Variants in UGGT2 observed in about 807,000 individuals in gnomAD.
The protein encoded by UGGT2 is UDP-glucose:glycoprotein glucosyltransferase 2.
Under a neutral mutation model 192.1 loss-of-function variants are expected in UGGT2, and 180 were observed. The ratio of observed to expected loss-of-function variants is 0.94; its 90% CI spans 0.83 to 1.06. The LOEUF (loss-of-function observed/expected upper bound fraction) is 1.06, where lower values mean the gene tolerates loss of function less well. Among genes scored for constraint, UGGT2 ranks in the 50% least tolerant of loss-of-function variants. UGGT2 has a pLI of 0.00. For synonymous variants in UGGT2, 580 were observed against 591.0 expected, an observed-to-expected ratio of 0.98 and a Z score of 0.27; for missense variants, 1,849 against 1,795.7, an observed-to-expected ratio of 1.03 and a Z score of -0.54.
chr13:95,879,211 C>A (rs920489945), intron 27 of UGGT2, among the ~76,000 whole-genome samples: 2 of 152,096 alleles, frequency 1.3e-5, no homozygotes, highest in African/African-American at 4.8e-5. Flanking sequence ...AATACACTTA[C>A]CCAGTTTGTG....
At chr13:95,872,039 T>A (rs1178576818) in intron 29 of UGGT2, among the ~76,000 whole-genome samples, 1 of 152,130 alleles carries the variant, frequency 6.6e-6, no homozygotes. Context: ...AAGTGTTACT[T>A]TGGCAGAAAA....
intron 33 of UGGT2, 135 bp downstream of exon 33, chr13:95,859,456 A>G (rs1889942229): frequency 4.4e-6 from 3 of 675,410 alleles, no homozygotes; most frequent in Admixed American, 6.7e-5. Context: ...ATTTTTCTTA[A>G]GCTACATAAA....
intron 12 of UGGT2, among the ~76,000 whole-genome samples, chr13:95,959,558 C>A (rs1045708798): frequency 6.6e-6 from 1 of 152,176 alleles, no homozygotes; most frequent in African/African-American, 2.4e-5. Context: ...CAATCCATTA[C>A]CATTGGCATC....
intron 10 of UGGT2, among the ~76,000 whole-genome samples, chr13:95,977,053 G>A (rs139560682): frequency 6.6e-6 from 1 of 152,252 alleles, no homozygotes; most frequent in African/African-American, 2.4e-5. Flanking sequence ...ACTAACTCAA[G>A]ATAGATTAAA....
chr13:96,053,340 C>T lies in UGGT2; in HGVS notation c.-28G>A. On this transcript the variant is annotated 5_prime_UTR_variant, in exon 1 of 39. Coordinates refer to ENST00000376747, the MANE Select transcript of UGGT2 (RefSeq NM_020121.4). ...CACGGAGAGAAAAGCGCGAGTCCCT[C>T]GGACCCGGTACCCACAGTCTGTGGC... is the stretch of plus-strand genomic sequence containing the variant. 9 of 1,574,280 alleles carry T rather than the reference C, an allele frequency of 5.7e-6. No homozygotes were observed. Among genetic ancestry groups the T allele is most frequent in the Non-Finnish European group, 7.7e-6 (9 of 1,170,050 alleles).
chr13:95,837,175 C>A lies in UGGT2; in HGVS notation c.4312G>T (p.Val1438Phe). ...TCTTGAGGAAGAGACTTAATGGCGA[C>A]TTGGTAAATCATATTATTGGGGAGA... ...QDLPNNMIYQ[V>F]AIKSLPQDWL... Residue 1438 changes from valine (V) to phenylalanine (F), a missense_variant, in exon 37 of 39, where the codon GTC becomes TTC. Transcript: ENST00000376747. 1.2e-6 allele frequency: 2 copies of A among 1,613,780 alleles called. No homozygotes were observed. The highest frequency in any genetic ancestry group is 1.7e-6 in the Non-Finnish European group (2 of 1,179,782).
chr13:95,867,921 C>G (rs1364824786), intron 29 of UGGT2, among the ~76,000 whole-genome samples: 2 of 152,170 alleles, frequency 1.3e-5, no homozygotes, highest in African/African-American at 4.8e-5. Context: ...TGATGTCCAT[C>G]TGCATCACCT....
intron 4 of UGGT2, among the ~76,000 whole-genome samples, chr13:96,016,335 C>T (rs2052337092): frequency 6.6e-6 from 1 of 152,138 alleles, no homozygotes; most frequent in African/African-American, 2.4e-5. Flanking sequence ...ACAGCCAAGA[C>T]AATGAAGAAA....
intron 22 of UGGT2, among the ~76,000 whole-genome samples, chr13:95,896,612 G>A (rs561026775): frequency 1.3e-5 from 2 of 152,098 alleles, no homozygotes; most frequent in African/African-American, 4.8e-5. Flanking sequence ...TGTTTTAAGG[G>A]GTTAACTACA....
rs140166172 is a variant in UGGT2 at position 95,959,519 on chromosome 13, C to T, written c.1336-10065G>A. On this transcript the variant is annotated intron_variant, in intron 12 of 38. Transcript: ENST00000376747. Reference sequence around the variant, plus strand: ...CTATCACCCCCAGTACCTAAGCATGCTGTCCAGGGACGTGGGGATCACCCA... The same window carrying T: ...CTATCACCCCCAGTACCTAAGCATGTTGTCCAGGGACGTGGGGATCACCCA... 1.8e-3 allele frequency among the ~76,000 whole-genome samples: 281 copies of T among 152,270 alleles called. 2 individuals carry two copies. The highest frequency in any genetic ancestry group is 1.3e-3 in the Non-Finnish European group (91 of 68,020).
chr13:95,839,710 A>G (rs2139934709), intron 36 of UGGT2, among the ~76,000 whole-genome samples: 1 of 152,276 alleles, frequency 6.6e-6, no homozygotes, highest in South Asian at 2.1e-4. Context: ...ATGACCTGTC[A>G]AACTGTTTTT....
In UGGT2 at chr13:95,884,084, A is replaced by AAAAAAAAAAC. The variant is rs760204523; in HGVS notation, c.3228+406_3228+407insGTTTTTTTTT. 4.5e-5 allele frequency among the ~76,000 whole-genome samples: 6 copies of AAAAAAAAAAC among 132,010 alleles called. 2 individuals carry two copies. The East Asian group carries it at 1.3e-3, about 29-fold the overall frequency. 86.6% of individuals were successfully genotyped at this position (132,010 alleles called of 152,430 possible). A position where few individuals can be genotyped will look rare whatever the true frequency, so the allele number is the denominator to read the frequency against. On this transcript the variant is annotated intron_variant, in intron 27 of 38. Coordinates refer to ENST00000376747, the MANE Select transcript of UGGT2 (RefSeq NM_020121.4). ...TGAGGCCAAAAAAAAAAAAAAAAAA[A>AAAAAAAAAAC]AACCAACAACAACAAAACAATTTTG...
chr13:95,948,656 TTAC>T (rs2049959634), intron 13 of UGGT2, among the ~76,000 whole-genome samples: 1 of 152,204 alleles, frequency 6.6e-6, no homozygotes, highest in Admixed American at 6.5e-5. Flanking sequence ...TTCCCTAAAA[TTAC>T]TACACTTTAA....
chr13:95,882,494 G>C (rs2047522983), intron 27 of UGGT2, among the ~76,000 whole-genome samples: 1 of 152,138 alleles, frequency 6.6e-6, no homozygotes, highest in Non-Finnish European at 1.5e-5. Flanking sequence ...AAATGCCTTT[G>C]TTATTTTTCC....
intron 12 of UGGT2, among the ~76,000 whole-genome samples, chr13:95,961,496 G>A (rs955080334): frequency 5.3e-5 from 8 of 152,012 alleles, no homozygotes; most frequent in Non-Finnish European, 1.0e-4. Flanking sequence ...CAGTTAAAAG[G>A]ACAAAGATAG....
chr13:95,978,023 G>C lies in UGGT2; in HGVS notation c.1093-5352C>G, dbSNP rs994354106. 5.9e-5 allele frequency among the ~76,000 whole-genome samples: 9 copies of C among 151,884 alleles called. No individual in the cohort carries two copies. The East Asian group carries it at 7.8e-4, about 13-fold the overall frequency. ...CACATGGACACATGTGGCCTGCCAG[G>C]GGGTAGGGGGCAAGGGGAGAGAGAG... On this transcript the variant is annotated intron_variant, in intron 10 of 38. Transcript: ENST00000376747.
chr13:95,807,716 C>CTTTTTTTTTGTTTTTTTT (rs1884378389), intron 38 of UGGT2, among the ~76,000 whole-genome samples: 1 of 78,706 alleles, frequency 1.3e-5, no homozygotes, highest in Admixed American at 1.2e-4. Flanking sequence ...CAGCCCTCAC[C>CTTTTTTTTTGTTTTTTTT]TTTTTTTTTT....
intron 17 of UGGT2, among the ~76,000 whole-genome samples, chr13:95,936,486 G>A (rs2049467247): frequency 6.6e-6 from 1 of 152,234 alleles, no homozygotes; most frequent in Non-Finnish European, 1.5e-5. Context: ...TGGTGGGCAA[G>A]ATGGGCAGGG....
chr13:95,968,328 A>G (rs1348944551), intron 12 of UGGT2, among the ~76,000 whole-genome samples: 1 of 152,222 alleles, frequency 6.6e-6, no homozygotes, highest in Non-Finnish European at 1.5e-5. Flanking sequence ...ATCACAGGAT[A>G]AATGTAAAAC....
Sources: allele counts gnomAD v4.1 joint callset (sites outside exome capture counted in the v4.1 genomes callset), GRCh38; gene constraint gnomAD v4.1.1; transcripts MANE v1.5; gene names NCBI Gene and HGNC (gene_info 2026-07-23, HGNC 2026-07-21).